The following SCN9A variants were observed in gnomAD, a reference collection of about 807,000 sequenced individuals.
The protein encoded by SCN9A is sodium channel protein type 9 subunit alpha.
SCN9A carries 131 observed loss-of-function variants against 187.0 expected under a neutral mutation model. The observed-to-expected ratio is 0.70, with a 90% confidence interval of 0.61 to 0.81. SCN9A has a LOEUF of 0.81. SCN9A is among the 30% of genes least tolerant of loss of function. The pLI is 0.00. For synonymous variants in SCN9A, 809 were observed against 808.6 expected (o/e 1.00, Z -0.01); for missense variants, 2,252 against 2,396.6 (o/e 0.94, Z 1.26).
chr2:166,287,334 G>A (rs749157078), intron 10 of SCN9A, among the ~76,000 whole-genome samples: 43 of 150,882 alleles, frequency 2.8e-4, no homozygotes, highest in Non-Finnish European at 4.4e-4. Context: ...AGATTGTATC[G>A]GACTATATTA....
chr2:166,329,382 A>T (rs1386628033), intron 1 of SCN9A, among the ~76,000 whole-genome samples: 1 of 152,192 alleles, frequency 6.6e-6, no homozygotes, highest in Admixed American at 6.5e-5. Context: ...TTCCTTTAAT[A>T]GGTTCATTTC....
Position 166,277,299 on chromosome 2 carries a change from T to A in SCN9A, c.2558A>T (p.Asn853Ile). 2 of 1,612,018 alleles carry A rather than the reference T, an allele frequency of 1.2e-6. No individual in the cohort carries two copies. Among genetic ancestry groups the A allele is most frequent in the Non-Finnish European group, 1.7e-6 (2 of 1,178,190 alleles). The change falls in exon 16 of 27, where the codon AAC becomes ATC. Residue 853 changes from asparagine (N) to isoleucine (I), a missense_variant. Physicochemically the swap from Asn to Ile is moderately radical, Grantham distance 149. Around this residue, in one of 7 missense-constraint regions of SCN9A, gnomAD observed 119 missense variants for 188.7 expected, o/e 0.63. Transcript: ENST00000642356. The stretch of plus-strand genomic sequence containing the variant: ...GTTACCAATGATCTTAATCAGCATG[T>A]TCAATGTTGGCCAGGATTTTGCCAA... ...FKLAKSWPTLNMLIKIIGNSV... is the reference protein window; with the variant it reads ...FKLAKSWPTLIMLIKIIGNSV...
rs574670231 is a variant in SCN9A at position 166,320,776 on chromosome 2, C to T, written c.-50-8970G>A. Among the ~76,000 whole-genome samples, 30 of 152,214 alleles carry T rather than the reference C, an allele frequency of 2.0e-4. No homozygotes were observed. The South Asian group carries it at 6.0e-3, about 31-fold the overall frequency. Reference sequence around the variant, plus strand: ...TTCCAAAATACTACTGTTTTAAAATCCCTTTCACTTATGTTAGGTAATGTT... The same window carrying T: ...TTCCAAAATACTACTGTTTTAAAATTCCTTTCACTTATGTTAGGTAATGTT... On this transcript the variant is annotated intron_variant, in intron 1 of 26. Transcript: ENST00000642356.
At chr2:166,268,159 T>G (rs1163037766) in intron 17 of SCN9A, among the ~76,000 whole-genome samples, 1 of 152,006 alleles carries the variant, frequency 6.6e-6, no homozygotes, top group East Asian at 1.9e-4. Flanking sequence ...ATGAGAATCA[T>G]ATAATCTTTA....
At chr2:166,259,469 T>G (rs1016307506) in intron 17 of SCN9A, among the ~76,000 whole-genome samples, 30 of 151,802 alleles carry the variant, frequency 2.0e-4, no homozygotes, top group Admixed American at 3.9e-4. Context: ...TAAGATTAAA[T>G]GTCATTCAAC....
chr2:166,303,353 A>G (rs1698642922), intron 6 of SCN9A, 51 bp from the exon 7 acceptor site: 1 of 1,384,626 alleles, frequency 7.2e-7, no homozygotes, highest in Non-Finnish European at 1.0e-6. Context: ...CTCTGAATCG[A>G]AACAAAAAAC....
chr2:166,306,640 T>C (rs1559030718), intron 3 of SCN9A, 41 bp from the exon 4 acceptor site: 2 of 1,316,804 alleles, frequency 1.5e-6, no homozygotes, highest in Non-Finnish European at 1.1e-6. Context: ...ACAGTGGGAA[T>C]TTGAAATATT....
At position 166,227,672 on chromosome 2, in the gene SCN9A, T is replaced by G. The variant is rs1232902921; in HGVS notation, c.4258A>C (p.Asn1420His). ...IIMYAAVDSV[N>H]VDKQPKYEYS... Reference sequence around the variant, plus strand: ...GTGCTAAGATAATCAATACTTACATTAACAGAATCCACTGCTGCATACATA... The same window carrying G: ...GTGCTAAGATAATCAATACTTACATGAACAGAATCCACTGCTGCATACATA... Residue 1420 changes from asparagine to histidine, a missense_variant and splice_region_variant, in exon 23 of 27, where the codon AAT becomes CAT. Asn to His is a moderately conservative substitution (Grantham distance 68). This residue lies in a region of SCN9A where 368 missense variants were observed against 408.6 expected (regional missense o/e 0.90). Transcript: ENST00000642356. The G allele has an allele frequency of 6.6e-7, 1 of 1,507,540 alleles. No homozygotes were observed. The highest frequency in any genetic ancestry group is 1.9e-5 in the Admixed American group (1 of 51,716). The allele number at this position is 1,507,540 out of a possible 1,614,324, so 93.4% of individuals were successfully genotyped here. A position where few individuals can be genotyped will look rare whatever the true frequency, so the allele number is the denominator to read the frequency against.
intron 1 of SCN9A, among the ~76,000 whole-genome samples, chr2:166,360,929 A>G (rs549332923): frequency 6.6e-6 from 1 of 152,294 alleles, no homozygotes; most frequent in African/African-American, 2.4e-5. Context: ...TATGGCTTTA[A>G]TTTAAAATAT....
intron 10 of SCN9A, among the ~76,000 whole-genome samples, chr2:166,287,238 A>G (rs1015389547): frequency 1.3e-5 from 2 of 152,138 alleles, no homozygotes; most frequent in Non-Finnish European, 2.9e-5. Flanking sequence ...AATGAAAAAC[A>G]GAAAAAAAGT....
intron 17 of SCN9A, among the ~76,000 whole-genome samples, chr2:166,252,197 C>T (rs1433368094): frequency 6.6e-6 from 1 of 151,916 alleles, no homozygotes; most frequent in Non-Finnish European, 1.5e-5. Context: ...GTATTGACCA[C>T]ATCTTATTTT....
At chr2:166,212,472 A>C (rs1694140297) in intron 24 of SCN9A, among the ~76,000 whole-genome samples, 1 of 152,264 alleles carries the variant, frequency 6.6e-6, no homozygotes. Context: ...CCATCATCAA[A>C]GCATGTAAAT....
intron 1 of SCN9A, among the ~76,000 whole-genome samples, chr2:166,364,167 A>T (rs1391676429): frequency 6.6e-6 from 1 of 151,940 alleles, no homozygotes; most frequent in Non-Finnish European, 1.5e-5. Flanking sequence ...TGTTTAAAAA[A>T]AAAAAAGGAA....
intron 18 of SCN9A, 55 bp from the exon 19 acceptor site, chr2:166,242,711 T>C: frequency 7.4e-7 from 1 of 1,355,826 alleles, no homozygotes; most frequent in Non-Finnish European, 1.0e-6. Flanking sequence ...ATAAAATTTT[T>C]AATACATTAT....
chr2:166,272,785 G>A lies in SCN9A; in HGVS notation c.2965C>T (p.Gln989Ter). Residue 989 changes from glutamine (Q) to a stop codon, truncating the protein, a stop_gained, in exon 17 of 27, where the codon CAG becomes TAG. Transcript: ENST00000642356. LOFTEE classifies it high-confidence loss of function. Reference sequence around the variant, plus strand: ...TTTTTAATTCTAGTCACTGCAATCTGGAGGTTGTTTGCATCAGGGTCTTCT... The same window carrying A: ...TTTTTAATTCTAGTCACTGCAATCTAGAGGTTGTTTGCATCAGGGTCTTCT... The part of the protein sequence containing the change: ...IEEDPDANNL[Q>*]IAVTRIKKGI... 6.5e-7 allele frequency: 1 copy of A among 1,526,854 alleles called. No individual in the cohort carries two copies. Among genetic ancestry groups the A allele is most frequent in the Non-Finnish European group, 8.8e-7 (1 of 1,141,502 alleles). The allele number at this position is 1,526,854 out of a possible 1,614,324, so 94.6% of individuals were successfully genotyped here. A position where few individuals can be genotyped will look rare whatever the true frequency, so the allele number is the denominator to read the frequency against.
chr2:166,325,998 C>T (rs1699353898), intron 1 of SCN9A, among the ~76,000 whole-genome samples: 1 of 152,040 alleles, frequency 6.6e-6, no homozygotes, highest in Non-Finnish European at 1.5e-5. Context: ...AATATGTCAT[C>T]AGGAGAGATG....
intron 1 of SCN9A, among the ~76,000 whole-genome samples, chr2:166,324,308 T>C (rs1004923779): frequency 2.6e-5 from 4 of 151,832 alleles, no homozygotes; most frequent in Non-Finnish European, 5.9e-5. Context: ...AATAAATAAA[T>C]TTATTTATTT....
intron 26 of SCN9A, among the ~76,000 whole-genome samples, chr2:166,202,704 G>C (rs1693599171): frequency 6.6e-6 from 1 of 151,584 alleles, no homozygotes; most frequent in Admixed American, 6.6e-5. Context: ...ATATGATAAA[G>C]TTATTATTAG....
At chr2:166,284,905 C>G in intron 11 of SCN9A, 81 bp from the exon 12 acceptor site, 2 of 1,421,148 alleles carry the variant, frequency 1.4e-6, no homozygotes, top group Non-Finnish European at 1.9e-6. Context: ...ACTGAACCCA[C>G]TGGCCTGAGG....
Sources: allele counts gnomAD v4.1 joint callset (sites outside exome capture counted in the v4.1 genomes callset), GRCh38; gene constraint gnomAD v4.1.1; regional missense constraint gnomAD v4.1.1; transcripts MANE v1.5; gene names NCBI Gene and HGNC (gene_info 2026-07-23, HGNC 2026-07-21).